The following NCOR1 variants were observed in gnomAD, a reference collection of about 807,000 sequenced individuals.
NCOR1 encodes protein phosphatase 1, regulatory subunit 109.
In NCOR1, 63 loss-of-function variants were observed where a neutral mutation model predicts 288.1. The observed-to-expected ratio is 0.22, with a 90% CI of 0.18 to 0.27. The LOEUF (loss-of-function observed/expected upper bound fraction) is 0.27, where lower values mean the gene tolerates loss of function less well. Among genes scored for constraint, NCOR1 ranks in the 10% least tolerant of loss-of-function variants. NCOR1 has a pLI of 1.00. For missense variants in NCOR1, 2,397 were observed against 3,019.2 expected (o/e 0.79, Z 4.83); for synonymous variants, 1,007 against 1,065.9 (o/e 0.94, Z 1.08).
intron 11 of NCOR1, among the ~76,000 whole-genome samples, chr17:16,141,266 G>A (rs1209301389): frequency 1.3e-5 from 2 of 151,990 alleles, no homozygotes; most frequent in African/African-American, 4.8e-5. Context: ...ACTAAATATT[G>A]TAATTGTCCC....
rs756542585 is a variant in NCOR1 at position 16,091,950 on chromosome 17, G to A, written c.2929C>T (p.Arg977Trp). ...MHESALLEEQ[R>W]QRQEQIDLEC... Reference sequence around the variant, plus strand: ...AAATCTATCTGTTCTTGTCTCTGCCGCTGCTCCTCCAGGAGTGCTGACTCA... The same window carrying A: ...AAATCTATCTGTTCTTGTCTCTGCCACTGCTCCTCCAGGAGTGCTGACTCA... Residue 977 changes from arginine to tryptophan, a missense_variant, in exon 22 of 46, where the codon CGG becomes TGG. Physicochemically the swap from Arg to Trp is moderately radical, Grantham distance 101 (BLOSUM62 -3). Transcript: ENST00000268712. The A allele has an allele frequency of 8.7e-6, 14 of 1,614,128 alleles. No homozygotes were observed. The South Asian group carries it at 8.8e-5, about 10-fold the overall frequency.
chr17:16,090,925 T>A (rs1043614977), intron 22 of NCOR1, among the ~76,000 whole-genome samples: 4 of 152,208 alleles, frequency 2.6e-5, no homozygotes, highest in African/African-American at 9.6e-5. Flanking sequence ...ATCTTCTGAA[T>A]CATTCAGACT....
chr17:16,029,391 ATTT>A lies in NCOR1; in HGVS notation c.*2902_*2904del, dbSNP rs1325373927. On this transcript the variant is annotated 3_prime_UTR_variant, in exon 46 of 46. Transcript: ENST00000268712. ...AATTGGTTAAAATCGTGTCATTAAA[ATTT>A]TTTAACTGTCCAATGGTCACTGGAG... is the stretch of plus-strand genomic sequence containing the variant. 4 of 334,158 alleles carry A rather than the reference ATTT, an allele frequency of 1.2e-5. No individual in the cohort carries two copies. Among genetic ancestry groups the A allele is most frequent in the Middle Eastern group, 2.1e-3 (2 of 950 alleles). The allele number at this position is 334,158 out of a possible 1,614,324, so 20.7% of individuals were successfully genotyped here.
chr17:16,143,798 C>G, intron 10 of NCOR1, 102 bp from the exon 11 acceptor site: 1 of 804,136 alleles, frequency 1.2e-6, no homozygotes, highest in Non-Finnish European at 2.0e-6. Flanking sequence ...ACTTTTTAAC[C>G]AAGTTAAGAG....
Position 16,127,541 on chromosome 17 carries a change from G to GTA in NCOR1, c.1510-1337_1510-1336dup, listed in dbSNP as rs981617034. Among the ~76,000 whole-genome samples the GTA allele has an allele frequency of 3.7e-5, 5 of 134,804 alleles. 1 individual carries two copies. The highest frequency in any genetic ancestry group is 1.3e-4 in the African/African-American group (4 of 30,444). 88.4% of individuals were successfully genotyped at this position (134,804 alleles called of 152,430 possible). On this transcript the variant is annotated intron_variant, in intron 14 of 45. Coordinates refer to ENST00000268712, the MANE Select transcript of NCOR1 (RefSeq NM_006311.4). ...TATACACACGTGTATATATCTGCAT[G>GTA]TATATATACACATGTGTATATATGT...
In NCOR1 at chr17:16,045,459, C is replaced by T. The variant is rs541748207; in HGVS notation, c.6679+1492G>A. ...TTAGAATAGAGCCTACCACATAGTACGCTAGATAACCTTTTGCTACCATTA... is the reference window on the plus strand; with the variant it reads ...TTAGAATAGAGCCTACCACATAGTATGCTAGATAACCTTTTGCTACCATTA... On this transcript the variant is annotated intron_variant, in intron 42 of 45. Coordinates refer to ENST00000268712, the MANE Select transcript of NCOR1 (RefSeq NM_006311.4). 2.7e-4 allele frequency among the ~76,000 whole-genome samples: 41 copies of T among 152,234 alleles called. No individual in the cohort carries two copies. In the South Asian group the frequency reaches 4.4e-3, roughly 16 times the overall value.
intron 4 of NCOR1, among the ~76,000 whole-genome samples, chr17:16,170,110 T>C (rs1242578418): frequency 6.8e-6 from 1 of 146,722 alleles, no homozygotes; most frequent in Non-Finnish European, 1.5e-5. Flanking sequence ...TTGCTTTCTG[T>C]GTGTGTGTGT....
At chr17:16,048,357 T>A (rs538757498) in intron 41 of NCOR1, among the ~76,000 whole-genome samples, 56 of 152,338 alleles carry the variant, frequency 3.7e-4, no homozygotes, top group African/African-American at 1.3e-3. Flanking sequence ...GGATTCTGCA[T>A]GAGTTTTAGA....
rs1218591456 is a variant in NCOR1 at position 16,075,680 on chromosome 17, G to C, written c.3524C>G (p.Thr1175Ser). The C allele has an allele frequency of 6.2e-7, 1 of 1,614,212 alleles. No individual in the cohort carries two copies. The highest frequency in any genetic ancestry group is 1.7e-5 in the Admixed American group (1 of 60,030). ...CACCAAAGCCTCTGTTGGTATGCCA[G>C]TCTGGGGCAGAGCCGGGGTGCCCTG... ...ITQGTPALPQ[T>S]GIPTEALVKG... is the part of the protein sequence containing the mutation. Residue 1175 changes from threonine (T) to serine (S), a missense_variant, in exon 27 of 46, where the codon ACT (threonine) becomes AGT (serine). This residue lies in a region of NCOR1 where 1,872 missense variants were observed against 2,187.8 expected (regional missense o/e 0.86). Coordinates refer to ENST00000268712, the MANE Select transcript of NCOR1 (RefSeq NM_006311.4).
At chr17:16,153,629 C>A (rs1212149033) in intron 6 of NCOR1, among the ~76,000 whole-genome samples, 1 of 152,034 alleles carries the variant, frequency 6.6e-6, no homozygotes, top group Non-Finnish European at 1.5e-5. Flanking sequence ...GCTTTCCTCA[C>A]CAAATTCAGT....
chr17:16,171,215 T>C (rs1214598074), intron 4 of NCOR1, among the ~76,000 whole-genome samples: 1 of 152,154 alleles, frequency 6.6e-6, no homozygotes, highest in Non-Finnish European at 1.5e-5. Flanking sequence ...TCACCATAAA[T>C]ATACACAATT....
At chr17:16,136,104 C>A (rs985618322) in intron 14 of NCOR1, among the ~76,000 whole-genome samples, 14 of 152,302 alleles carry the variant, frequency 9.2e-5, no homozygotes, top group African/African-American at 3.4e-4. Context: ...TGGGGAAAAT[C>A]ATTTTGAAAT....
chr17:16,152,083 C>G, intron 7 of NCOR1, 85 bp from the exon 8 acceptor site: 1 of 794,512 alleles, frequency 1.3e-6, no homozygotes. Flanking sequence ...AATGTAAGCA[C>G]AGGTAAAGTA....
chr17:16,064,305 A>C, intron 34 of NCOR1, 118 bp from the exon 35 acceptor site: 1 of 1,376,374 alleles, frequency 7.3e-7, no homozygotes, highest in Admixed American at 2.0e-5. Context: ...TTGGGATATA[A>C]GAAGTTTGTT....
chr17:16,152,365 C>T (rs1008306651), intron 7 of NCOR1, among the ~76,000 whole-genome samples: 4 of 152,036 alleles, frequency 2.6e-5, no homozygotes, highest in African/African-American at 9.6e-5. Context: ...CAAGTGTTCT[C>T]ATTGTTCAAT....
At chr17:16,041,822 T>C (rs113106633) in intron 42 of NCOR1, among the ~76,000 whole-genome samples, 9,155 of 152,114 alleles carry the variant, frequency 0.06, 826 homozygotes, top group African/African-American at 0.2. Flanking sequence ...CTGCAAGCTC[T>C]GCCTCCCAGG....
At position 16,048,904 on chromosome 17, in the gene NCOR1, A is replaced by T; in HGVS notation, c.6477T>A (p.His2159Gln). 6.2e-7 allele frequency: 1 copy of T among 1,614,054 alleles called. No individual in the cohort carries two copies. The highest frequency in any genetic ancestry group is 8.5e-7 in the Non-Finnish European group (1 of 1,179,944). ...AGAGCAGCAAGCTGTCCTGTTTCTC[A>T]TGCACAACCGGAACCTGGGGTGGGG... ...PISPPQVPVV[H>Q]EKQDSLLLLS... Residue 2159 changes from histidine to glutamine, a missense_variant, in exon 41 of 46, where the codon CAT becomes CAA. Physicochemically the swap from His to Gln is conservative, Grantham distance 24 (BLOSUM62 0). Coordinates refer to ENST00000268712, the MANE Select transcript of NCOR1 (RefSeq NM_006311.4).
rs1237083891 is a variant in NCOR1 at position 16,030,491 on chromosome 17, C to T, written c.*1805G>A. The T allele has an allele frequency of 5.0e-6, 1 of 200,424 alleles. No individual in the cohort carries two copies. The highest frequency in any genetic ancestry group is 1.0e-5 in the Non-Finnish European group (1 of 97,660). The allele number at this position is 200,424 out of a possible 1,614,324, so 12.4% of individuals were successfully genotyped here. On this transcript the variant is annotated 3_prime_UTR_variant, in exon 46 of 46. Transcript: ENST00000268712. ...ACAAACTCTAAAATATTACCAGTACCTGAAAAAAAAAAATTCAGCAGAAAA... is the reference window on the plus strand; with the variant it reads ...ACAAACTCTAAAATATTACCAGTACTTGAAAAAAAAAAATTCAGCAGAAAA...
Position 16,121,169 on chromosome 17 carries a change from C to T in NCOR1, c.1735G>A (p.Gly579Ser). ...PRGRKTANSQGRRKGRITRSM... is the reference protein window; with the variant it reads ...PRGRKTANSQSRRKGRITRSM... The stretch of plus-strand genomic sequence containing the variant: ...CTGGTGATCCGGCCCTTACGGCGGC[C>T]CTGACTGTTGGCAGTCTTTCGCCCC... Residue 579 changes from glycine (G) to serine (S), a missense_variant, in exon 16 of 46, where the codon GGC (glycine) becomes AGC (serine). This residue lies in a region of NCOR1 where 113 missense variants were observed against 139.5 expected (regional missense o/e 0.81). Transcript: ENST00000268712. The T allele has an allele frequency of 6.2e-7, 1 of 1,614,112 alleles. No individual in the cohort carries two copies. The highest frequency in any genetic ancestry group is 1.1e-5 in the South Asian group (1 of 91,082).
Sources: allele counts gnomAD v4.1 joint callset (sites outside exome capture counted in the v4.1 genomes callset), GRCh38; gene constraint gnomAD v4.1.1; regional missense constraint gnomAD v4.1.1; transcripts MANE v1.5; gene names NCBI Gene and HGNC (gene_info 2026-07-23, HGNC 2026-07-21).